DGKZ: variants seen among roughly 807,000 people sequenced by gnomAD.
DGKZ encodes DAG kinase zeta.
In DGKZ, 45 loss-of-function variants were observed where a neutral mutation model predicts 142.5. The ratio of observed to expected loss-of-function variants is 0.32; its 90% CI spans 0.25 to 0.40. DGKZ has a LOEUF of 0.40. Ranked by LOEUF, DGKZ falls within the 10% of genes least tolerant of loss-of-function variation. The pLI, the probability that DGKZ is intolerant of heterozygous loss-of-function variation, is 1.00. For synonymous variants in DGKZ, 442 were observed against 527.0 expected (o/e 0.84, Z 2.21); for missense variants, 755 against 1,306.5 (o/e 0.58, Z 6.51).
intron 1 of DGKZ, among the ~76,000 whole-genome samples, chr11:46,338,403 G>A (rs138624889): frequency 6.8e-6 from 1 of 148,148 alleles, no homozygotes; most frequent in African/African-American, 2.5e-5. Context: ...GGCTGAGGCA[G>A]GAGAATCGCT....
At chr11:46,337,489 T>C (rs1021124481) in intron 1 of DGKZ, among the ~76,000 whole-genome samples, 5 of 151,684 alleles carry the variant, frequency 3.3e-5, no homozygotes, top group Non-Finnish European at 7.4e-5. Flanking sequence ...AGAGACGGGG[T>C]TTCGCCATGT....
At chr11:46,374,738 C>T (rs1944350673) in intron 17 of DGKZ, 28 bp from the exon 18 acceptor site, 2 of 1,612,496 alleles carry the variant, frequency 1.2e-6, no homozygotes, top group Non-Finnish European at 8.5e-7. Flanking sequence ...GGCACATGCA[C>T]CTCAACACCC....
intron 1 of DGKZ, among the ~76,000 whole-genome samples, chr11:46,353,012 G>A (rs1941596670): frequency 1.3e-5 from 2 of 152,252 alleles, no homozygotes; most frequent in Non-Finnish European, 2.9e-5. Flanking sequence ...CGGGAAAGCA[G>A]GTTCGAGTGA....
rs771426423 is a variant in DGKZ at position 46,368,193 on chromosome 11, CG to C, written c.444+119del. Reference sequence around the variant, plus strand: ...GGCCTGCCAGGAGTGACCCAGCACTCGGGGGTGAAGAGTCAAGGACCCTGGA... The same window carrying C: ...GGCCTGCCAGGAGTGACCCAGCACTCGGGGTGAAGAGTCAAGGACCCTGGA... On this transcript the variant is annotated intron_variant, in intron 4 of 30. Coordinates refer to ENST00000527911, the Ensembl canonical transcript of DGKZ. The C allele has an allele frequency of 4.4e-5, 50 of 1,137,422 alleles. No homozygotes were observed. The African/African-American group carries it at 7.2e-4, about 16-fold the overall frequency. 70.5% of individuals were successfully genotyped at this position (1,137,422 alleles called of 1,614,324 possible). A position where few individuals can be genotyped will look rare whatever the true frequency, so the allele number is the denominator to read the frequency against.
chr11:46,339,721 C>T (rs1232338025), intron 1 of DGKZ, among the ~76,000 whole-genome samples: 1 of 152,236 alleles, frequency 6.6e-6, no homozygotes, highest in African/African-American at 2.4e-5. Flanking sequence ...ATTTGAAGAA[C>T]TTATTTGGTG....
upstream of DGKZ, chr11:46,345,238 C>T (rs1940498543): frequency 2.2e-6 from 3 of 1,349,406 alleles, no homozygotes; most frequent in Admixed American, 4.1e-5. The surrounding 1 kb of genome is among the most constrained non-coding windows in gnomAD (Gnocchi z 4.1). Flanking sequence ...CCCACCTGCC[C>T]CTTGCTTTCT....
intron 9 of DGKZ, 126 bp from the exon 10 acceptor site, chr11:46,371,949 G>GTA (rs1250538581): frequency 8.1e-7 from 1 of 1,239,740 alleles, no homozygotes; most frequent in Non-Finnish European, 1.2e-6. Flanking sequence ...GGCCTGGTAA[G>GTA]ATCTGGCCCA....
At chr11:46,351,395 G>C (rs746756300) in intron 1 of DGKZ, among the ~76,000 whole-genome samples, 2 of 152,230 alleles carry the variant, frequency 1.3e-5, no homozygotes, top group Admixed American at 6.5e-5. Flanking sequence ...TGCAGAACCA[G>C]TGTGAGACAA....
intron 1 of DGKZ, among the ~76,000 whole-genome samples, chr11:46,334,738 G>A (rs1020810607): frequency 8.5e-5 from 13 of 152,170 alleles, no homozygotes; most frequent in Admixed American, 3.3e-4. Context: ...AGAACACCAC[G>A]CCCAGGGGAG....
rs1945060345 is a variant in DGKZ at position 46,380,186 on chromosome 11, G to A, written c.*239G>A. 2.1e-5 allele frequency: 10 copies of A among 478,738 alleles called. No individual in the cohort carries two copies. In the South Asian group the frequency reaches 2.3e-4, roughly 11 times the overall value. The allele number at this position is 478,738 out of a possible 1,614,324, so 29.7% of individuals were successfully genotyped here. On this transcript the variant is annotated 3_prime_UTR_variant, in exon 31 of 31. Transcript: ENST00000527911. ...CGGAGGCTCACAGGGAACAAGACAC[G>A]GCTGGGTTGGATATGCCTTTGCCGG...
chr11:46,376,211 C>T (rs1183474184), intron 22 of DGKZ, 66 bp downstream of exon 22: 15 of 1,606,006 alleles, frequency 9.3e-6, no homozygotes, highest in African/African-American at 4.0e-5. Flanking sequence ...CAGGCCTCTT[C>T]CTCCCGCAGC....
chr11:46,340,361 G>A (rs554915973), intron 1 of DGKZ, among the ~76,000 whole-genome samples: 1 of 152,198 alleles, frequency 6.6e-6, no homozygotes, highest in African/African-American at 2.4e-5. Flanking sequence ...TGACCGTGTC[G>A]TGGGGGCTTG....
upstream of DGKZ, among the ~76,000 whole-genome samples, chr11:46,346,072 G>A (rs1940581861): frequency 6.6e-6 from 1 of 152,208 alleles, no homozygotes; most frequent in African/African-American, 2.4e-5. Context: ...CTGGAGGGCT[G>A]GAGCCCCACC....
chr11:46,369,448 C>G, intron 4 of DGKZ, 46 bp from the exon 5 acceptor site: 6 of 1,612,564 alleles, frequency 3.7e-6, no homozygotes, highest in Non-Finnish European at 5.1e-6. Flanking sequence ...TACCTGACCC[C>G]GAAGGGAGGT....
At chr11:46,333,809 G>A (rs1414735661) in intron 1 of DGKZ, among the ~76,000 whole-genome samples, 1 of 152,118 alleles carries the variant, frequency 6.6e-6, no homozygotes, top group Non-Finnish European at 1.5e-5. Context: ...GATGCCCCCT[G>A]GCCCTTCTGG....
At chr11:46,366,838 C>A in intron 1 of DGKZ, 1 of 1,546,090 alleles carries the variant, frequency 6.5e-7, no homozygotes, top group Non-Finnish European at 8.7e-7. Flanking sequence ...GGCCCTCAGG[C>A]CAGCACCCTG....
At chr11:46,379,442 G>A in intron 29 of DGKZ, 27 bp from the exon 30 acceptor site, 1 of 1,600,352 alleles carries the variant, frequency 6.2e-7, no homozygotes, top group Non-Finnish European at 8.5e-7. Flanking sequence ...ACGGGATGGG[G>A]TACACAGCCA....
rs751646616 is a variant in DGKZ, at chr11:46,372,917, G to GC, written c.1185+35dup. The GC allele has an allele frequency of 9.0e-6, 14 of 1,556,352 alleles. No individual in the cohort carries two copies. The Admixed American group carries it at 2.7e-4, about 30-fold the overall frequency. On this transcript the variant is annotated intron_variant, in intron 13 of 30. Coordinates refer to ENST00000527911, the Ensembl canonical transcript of DGKZ. This position sits in a 1 kb window ranked among gnomAD's most constrained non-coding sequence, Gnocchi z 5.9. The stretch of plus-strand genomic sequence containing the variant: ...CCCATAGGAGGGGGGTGCAGCTGGG[G>GC]CCTCTCCAGCCACAGAGGGCTCAGT...
chr11:46,349,560 CAAA>C (rs11411627), intron 1 of DGKZ, among the ~76,000 whole-genome samples: 5 of 151,096 alleles, frequency 3.3e-5, no homozygotes, highest in African/African-American at 7.3e-5. Context: ...TTTTGTAAAA[CAAA>C]AAAAAACCAA....
Sources: allele counts gnomAD v4.1 joint callset (sites outside exome capture counted in the v4.1 genomes callset), GRCh38; gene constraint gnomAD v4.1.1; non-coding constraint Gnocchi (gnomAD v3.1); transcripts MANE v1.5; gene names NCBI Gene and HGNC (gene_info 2026-07-23, HGNC 2026-07-21).